TIAM1: variants seen among roughly 807,000 people sequenced by gnomAD.
TIAM1 encodes the protein TIAM Rac1 associated GEF 1, also known as rho guanine nucleotide exchange factor TIAM1.
Under a neutral mutation model 163.5 loss-of-function variants are expected in TIAM1, and 65 were observed. The ratio of observed to expected loss-of-function variants is 0.40; its 90% CI spans 0.33 to 0.49. TIAM1 has a LOEUF of 0.49. Ranked by LOEUF, TIAM1 falls within the 20% of genes least tolerant of loss-of-function variation. The pLI, the probability that TIAM1 is intolerant of heterozygous loss-of-function variation, is 0.77. For synonymous variants in TIAM1, 833 were observed against 810.1 expected, an observed-to-expected ratio of 1.03 and a Z score of -0.48; for missense variants, 1,789 against 2,044.7, an observed-to-expected ratio of 0.87 and a Z score of 2.41.
At chr21:31,464,765 C>T (rs1044133252) in intron 1 of TIAM1, among the ~76,000 whole-genome samples, 2 of 150,308 alleles carry the variant, frequency 1.3e-5, no homozygotes, top group Non-Finnish European at 2.9e-5. Context: ...CTCCCTTGAA[C>T]TCGGGAGGCG....
chr21:31,349,478 G>A (rs889397728), intron 2 of TIAM1, among the ~76,000 whole-genome samples: 1 of 152,236 alleles, frequency 6.6e-6, no homozygotes, highest in Non-Finnish European at 1.5e-5. Flanking sequence ...CACAAATGGT[G>A]CATGTGTTCA....
At position 31,395,835 on chromosome 21, in the gene TIAM1, T is replaced by C. The variant is rs188018785; in HGVS notation, c.-368-56413A>G. Among the ~76,000 whole-genome samples the C allele has an allele frequency of 1.2e-4, 18 of 152,240 alleles. 1 individual carries two copies. Among genetic ancestry groups the C allele is most frequent in the African/African-American group, 4.1e-4 (17 of 41,544 alleles). ...AATCTATCCTAATTAGGAAACAACA[T>C]GTACATGCCTGAAACAGCAGGCCAG... On this transcript the variant is annotated intron_variant, in intron 2 of 28. Transcript: ENST00000286827. The surrounding 1 kb of genome is among the most constrained non-coding windows in gnomAD (Gnocchi z 7.5).
At chr21:31,252,239 G>A in intron 4 of TIAM1, 50 bp from the exon 5 acceptor site, 1 of 1,562,334 alleles carries the variant, frequency 6.4e-7, no homozygotes, top group Non-Finnish European at 8.6e-7. Flanking sequence ...CGTGGAGAAG[G>A]AACCCAGGGT....
chr21:31,179,884 G>A (rs80344671), intron 15 of TIAM1, among the ~76,000 whole-genome samples: 4,742 of 150,118 alleles, frequency 0.032, 269 homozygotes, highest in African/African-American at 0.11. Context: ...ACACGTACAC[G>A]TACATATACA....
intron 1 of TIAM1, among the ~76,000 whole-genome samples, chr21:31,529,915 T>A (rs890322990): frequency 1.6e-4 from 25 of 152,130 alleles, no homozygotes; most frequent in African/African-American, 6.0e-4. Flanking sequence ...CGCGGAAGTG[T>A]CATGGACATT....
chr21:31,429,921 A>C (rs533693475), intron 2 of TIAM1, among the ~76,000 whole-genome samples: 153 of 152,182 alleles, frequency 1.0e-3, no homozygotes, highest in African/African-American at 3.6e-3. Flanking sequence ...AAAGTTGCAC[A>C]GGGGGAGCCG....
intron 27 of TIAM1, among the ~76,000 whole-genome samples, chr21:31,122,277 AAAAC>A (rs982827915): frequency 1.5e-4 from 23 of 152,240 alleles, no homozygotes; most frequent in African/African-American, 4.1e-4. Flanking sequence ...AATAGGAAAA[AAAAC>A]AAACAAACTC....
intron 1 of TIAM1, among the ~76,000 whole-genome samples, chr21:31,540,769 A>G (rs1190279601): frequency 1.3e-5 from 2 of 152,248 alleles, no homozygotes. Context: ...TTTAAGTGAT[A>G]AGATAATGAT....
chr21:31,298,774 CAGAG>C (rs138040478), intron 2 of TIAM1, among the ~76,000 whole-genome samples: 3 of 103,180 alleles, frequency 2.9e-5, no homozygotes, highest in Admixed American at 9.4e-5. Flanking sequence ...GTGTGAGAAA[CAGAG>C]AGAGAGAGAA....
At chr21:31,287,452 C>T (rs958842050) in intron 2 of TIAM1, among the ~76,000 whole-genome samples, 6 of 152,122 alleles carry the variant, frequency 3.9e-5, no homozygotes, top group African/African-American at 1.4e-4. Flanking sequence ...TCAGACAGGG[C>T]TGTAACAGCT....
chr21:31,133,213 T>C (rs945018210), intron 23 of TIAM1, among the ~76,000 whole-genome samples: 4 of 152,242 alleles, frequency 2.6e-5, no homozygotes, highest in African/African-American at 7.2e-5. Context: ...CGGCTGGGAA[T>C]CCACAGAAGC....
intron 16 of TIAM1, among the ~76,000 whole-genome samples, chr21:31,164,172 C>T (rs905516090): frequency 2.0e-5 from 3 of 152,136 alleles, no homozygotes; most frequent in African/African-American, 4.8e-5. Flanking sequence ...GGGTGGATCA[C>T]GAGGTCAGGA....
intron 4 of TIAM1, among the ~76,000 whole-genome samples, chr21:31,255,504 G>C (rs904630462): frequency 4.6e-5 from 7 of 152,080 alleles, no homozygotes; most frequent in African/African-American, 1.7e-4. Context: ...TTTCAGAGGG[G>C]CTCCTGCTAC....
chr21:31,275,421 C>A (rs943742316), intron 3 of TIAM1, among the ~76,000 whole-genome samples: 1 of 152,026 alleles, frequency 6.6e-6, no homozygotes, highest in Non-Finnish European at 1.5e-5. Context: ...TACAACAAAA[C>A]GGCATCAAAC....
intron 2 of TIAM1, among the ~76,000 whole-genome samples, chr21:31,374,453 T>G (rs2076651482): frequency 6.6e-6 from 1 of 152,184 alleles, no homozygotes; most frequent in South Asian, 2.1e-4. Context: ...AAATGCCCAT[T>G]GGAACTCTCA....
At chr21:31,479,455 AGATG>A (rs948957150) in intron 1 of TIAM1, among the ~76,000 whole-genome samples, 4 of 67,978 alleles carry the variant, frequency 5.9e-5, no homozygotes, top group South Asian at 3.6e-4. Context: ...ATGGATGGAT[AGATG>A]GATGGATGGA....
intron 2 of TIAM1, among the ~76,000 whole-genome samples, chr21:31,382,635 T>C (rs1013842020): frequency 2.6e-5 from 4 of 152,318 alleles, no homozygotes; most frequent in African/African-American, 9.6e-5. Context: ...AATGAGAGGA[T>C]TGAAGTACCT....
intron 1 of TIAM1, among the ~76,000 whole-genome samples, chr21:31,508,598 C>CAGGCTGGTCAGGAGTTT (rs2047111125): frequency 6.6e-6 from 1 of 152,076 alleles, no homozygotes; most frequent in Non-Finnish European, 1.5e-5. Flanking sequence ...TCCATGTTGC[C>CAGGCTGGTCAGGAGTTT]AGGCTGGTCT....
chr21:31,295,442 C>T (rs988369190), intron 2 of TIAM1, among the ~76,000 whole-genome samples: 5 of 132,398 alleles, frequency 3.8e-5, no homozygotes, highest in Middle Eastern at 5.1e-3. Flanking sequence ...TGCATTCCAG[C>T]CTGGGTGACA....
Sources: allele counts gnomAD v4.1 joint callset (sites outside exome capture counted in the v4.1 genomes callset), GRCh38; gene constraint gnomAD v4.1.1; non-coding constraint Gnocchi (gnomAD v3.1); transcripts MANE v1.5; gene names NCBI Gene and HGNC (gene_info 2026-07-23, HGNC 2026-07-21).